The following URM1 variants were observed in gnomAD, a reference collection of about 807,000 sequenced individuals.
The protein encoded by URM1 is ubiquitin-related modifier 1.
A neutral mutation model predicts 17.7 loss-of-function variants in URM1; 11 were observed. That is an observed-to-expected ratio of 0.62 (90% CI 0.39 to 1.03). The LOEUF is 1.03. Ranked by LOEUF, URM1 falls within the 50% of genes least tolerant of loss-of-function variation. The probability of loss-of-function intolerance (pLI) is 0.00; values close to 1 mark genes in which losing one functional copy is unlikely to be tolerated. For missense variants in URM1, 128 were observed against 129.2 expected (o/e 0.99, Z 0.04); for synonymous variants, 48 against 50.6 (o/e 0.95, Z 0.22).
At chr9:128,380,920 G>A (rs951515209) in intron 2 of URM1, among the ~76,000 whole-genome samples, 2 of 152,136 alleles carry the variant, frequency 1.3e-5, no homozygotes, top group South Asian at 4.1e-4. Flanking sequence ...CGCCTCCCGG[G>A]TTCACGCCAT....
intron 4 of URM1, 32 bp from the exon 5 acceptor site, chr9:128,389,634 A>G: frequency 6.2e-7 from 1 of 1,612,730 alleles, no homozygotes; most frequent in South Asian, 1.1e-5. Flanking sequence ...GGTGGCCCTG[A>G]GGGTCTCCCG....
At chr9:128,388,896 A>T in intron 3 of URM1, 1 of 1,039,308 alleles carries the variant, frequency 9.6e-7, no homozygotes, top group Non-Finnish European at 1.2e-6. Flanking sequence ...ACAGTGTGGC[A>T]AGCACTCCAC....
At chr9:128,389,643 C>A (rs201991488) in intron 4 of URM1, 23 bp from the exon 5 acceptor site, 6 of 1,613,054 alleles carry the variant, frequency 3.7e-6, no homozygotes, top group East Asian at 2.2e-5. Flanking sequence ...GAGGGTCTCC[C>A]GCTCCCCTCT....
Position 128,387,851 on chromosome 9 carries a change from A to C in URM1, c.142A>C (p.Asn48His). The C allele has an allele frequency of 6.2e-7, 1 of 1,614,080 alleles. No homozygotes were observed. Reference protein sequence around the residue: ...IRNLLIWIKKNLLKERPELFI... With the variant: ...IRNLLIWIKKHLLKERPELFI... The stretch of plus-strand genomic sequence containing the variant: ...GAACCTGCTCATCTGGATCAAGAAG[A>C]ATTTGCTAAAAGAGCGGCCAGAGTT... Residue 48 changes from asparagine (N) to histidine (H), a missense_variant, in exon 3 of 5, where the codon AAT (asparagine) becomes CAT (histidine). By Grantham distance (68) the Asn-to-His change is moderately conservative (BLOSUM62 1). Coordinates refer to ENST00000372853, the MANE Select transcript of URM1 (RefSeq NM_030914.4). The surrounding 1 kb of genome is among the most constrained non-coding windows in gnomAD (Gnocchi z 4.3).
intron 1 of URM1, among the ~76,000 whole-genome samples, chr9:128,372,262 G>T (rs1833022934): frequency 6.6e-6 from 1 of 151,764 alleles, no homozygotes; most frequent in South Asian, 2.1e-4. Flanking sequence ...GAGGAAATAG[G>T]TAGGGATGTG....
intron 2 of URM1, among the ~76,000 whole-genome samples, chr9:128,383,021 A>G (rs1347013177): frequency 2.6e-5 from 4 of 151,660 alleles, no homozygotes; most frequent in Non-Finnish European, 5.9e-5. Context: ...TGCCTGCTCC[A>G]CTTGTGTTAA....
At chr9:128,384,737 C>T (rs1833204522) in intron 2 of URM1, among the ~76,000 whole-genome samples, 1 of 152,038 alleles carries the variant, frequency 6.6e-6, no homozygotes. Flanking sequence ...CTTATTTGAT[C>T]CCCCACAATG....
chr9:128,371,692 G>A lies in URM1; in HGVS notation c.35+277G>A, dbSNP rs554027997. On this transcript the variant is annotated intron_variant, in intron 1 of 4. Coordinates refer to ENST00000372853, the MANE Select transcript of URM1 (RefSeq NM_030914.4). ...GAGTCGGAGGTCGTGACTGTTAGCA[G>A]GCAGCCTCTCTCTCTTCTTTTCCAT... Among the ~76,000 whole-genome samples the A allele has an allele frequency of 7.2e-5, 11 of 152,308 alleles. No individual in the cohort carries two copies. In the South Asian group the frequency reaches 2.3e-3, roughly 32 times the overall value.
At chr9:128,388,838 C>T (rs997154712) in intron 3 of URM1, 3 of 996,262 alleles carry the variant, frequency 3.0e-6, no homozygotes, top group African/African-American at 1.7e-5. Flanking sequence ...CCAGGGCTAA[C>T]GAGAATAAGA....
rs1316516729 is a variant in URM1 at position 128,390,135 on chromosome 9, A to G, written c.*401A>G. 2 of 229,710 alleles carry G rather than the reference A, an allele frequency of 8.7e-6. No individual in the cohort carries two copies. Among genetic ancestry groups the G allele is most frequent in the Non-Finnish European group, 1.7e-5 (2 of 117,168 alleles). The allele number at this position is 229,710 out of a possible 1,614,324, so 14.2% of individuals were successfully genotyped here. The stretch of plus-strand genomic sequence containing the variant: ...GCGTCTTCATGGGGAAGATGAATGG[A>G]CCTGAGTAGCTGAAGGAAGGCCCCT... On this transcript the variant is annotated 3_prime_UTR_variant, in exon 5 of 5. Transcript: ENST00000372853.
chr9:128,380,622 T>C (rs1364810599), intron 2 of URM1, among the ~76,000 whole-genome samples: 1 of 151,860 alleles, frequency 6.6e-6, no homozygotes, highest in African/African-American at 2.4e-5. Flanking sequence ...CCACAAATTT[T>C]CTTTTTTTTT....
intron 1 of URM1, 99 bp downstream of exon 1, chr9:128,371,514 G>A: frequency 1.5e-6 from 2 of 1,291,948 alleles, no homozygotes; most frequent in South Asian, 1.3e-5. Context: ...CGAATCACTG[G>A]GTGTCCCAGT....
intron 1 of URM1, among the ~76,000 whole-genome samples, chr9:128,376,094 C>T (rs1833072846): frequency 6.6e-6 from 1 of 151,772 alleles, no homozygotes; most frequent in Non-Finnish European, 1.5e-5. Flanking sequence ...GAGACAGAGC[C>T]AGGCATGATG....
intron 1 of URM1, among the ~76,000 whole-genome samples, chr9:128,377,277 A>G (rs931410482): frequency 6.6e-6 from 1 of 152,096 alleles, no homozygotes; most frequent in Non-Finnish European, 1.5e-5. Flanking sequence ...CTGTAATCCC[A>G]GTGCTTTGGG....
intron 3 of URM1, 188 bp from the exon 4 acceptor site, chr9:128,389,073 C>A: frequency 7.3e-7 from 1 of 1,378,044 alleles, no homozygotes; most frequent in South Asian, 1.9e-5. Flanking sequence ...CTACAAAGAC[C>A]ATGCATGACT....
Position 128,391,219 on chromosome 9 carries a change from A to T in URM1, c.*1485A>T, listed in dbSNP as rs1833309599. 1 of 152,156 alleles carries T rather than the reference A, an allele frequency of 6.6e-6. No individual in the cohort carries two copies. Among genetic ancestry groups the T allele is most frequent in the Admixed American group, 6.5e-5 (1 of 15,268 alleles). 9.4% of individuals were successfully genotyped at this position (152,156 alleles called of 1,614,324 possible). ...AATAATTTAAGGTGGAATTTCTCTC[A>T]CCCTGTGGAGATGAAAGTGGCAAAA... is the stretch of plus-strand genomic sequence containing the variant. On this transcript the variant is annotated 3_prime_UTR_variant, in exon 5 of 5. Coordinates refer to ENST00000372853, the MANE Select transcript of URM1 (RefSeq NM_030914.4).
At chr9:128,373,107 C>T (rs1238263541) in intron 1 of URM1, among the ~76,000 whole-genome samples, 1 of 152,142 alleles carries the variant, frequency 6.6e-6, no homozygotes, top group Admixed American at 6.5e-5. Flanking sequence ...ACCCAATCAT[C>T]TCTAACTTCA....
Position 128,390,674 on chromosome 9 carries a change from T to C in URM1, c.*940T>C, listed in dbSNP as rs1043019971. 4 of 152,518 alleles carry C rather than the reference T, an allele frequency of 2.6e-5. No homozygotes were observed. The highest frequency in any genetic ancestry group is 4.4e-5 in the Non-Finnish European group (3 of 68,068). The allele number at this position is 152,518 out of a possible 1,614,324, so 9.4% of individuals were successfully genotyped here. ...CTCCTCCCCTTCCCTTCTGGAAGTC[T>C]TGGGGCCTCAGTGCTTGCAACAGCC... On this transcript the variant is annotated 3_prime_UTR_variant, in exon 5 of 5. Transcript: ENST00000372853.
intron 1 of URM1, 80 bp from the exon 2 acceptor site, chr9:128,377,956 C>T: frequency 6.7e-7 from 1 of 1,484,126 alleles, no homozygotes; most frequent in Non-Finnish European, 9.4e-7. Context: ...CCAGCCCTAT[C>T]CTCAGTTTTC....
Sources: allele counts gnomAD v4.1 joint callset (sites outside exome capture counted in the v4.1 genomes callset), GRCh38; gene constraint gnomAD v4.1.1; non-coding constraint Gnocchi (gnomAD v3.1); transcripts MANE v1.5; gene names NCBI Gene and HGNC (gene_info 2026-07-23, HGNC 2026-07-21).